ELOVL6: variants seen among roughly 807,000 people sequenced by gnomAD.
ELOVL6 encodes the protein very long chain fatty acid elongase 6.
Under a neutral mutation model 31.7 loss-of-function variants are expected in ELOVL6, and 8 were observed. The ratio of observed to expected loss-of-function variants is 0.25; its 90% CI spans 0.15 to 0.45. ELOVL6 has a LOEUF of 0.45. ELOVL6 is among the 20% of genes least tolerant of loss of function. The probability of loss-of-function intolerance (pLI) is 1.00; values close to 1 mark genes in which losing one functional copy is unlikely to be tolerated. For missense variants in ELOVL6, 126 were observed against 326.4 expected (o/e 0.39, Z 4.73); for synonymous variants, 101 against 117.7 (o/e 0.86, Z 0.92).
chr4:110,084,239 A>AACATGATATATATAACATG (rs1756087301), intron 2 of ELOVL6, among the ~76,000 whole-genome samples: 2 of 93,096 alleles, frequency 2.1e-5, no homozygotes, highest in Non-Finnish European at 4.4e-5. Flanking sequence ...TATATAACAT[A>AACATGATATATATAACATG]TATGATATAT....
intron 1 of ELOVL6, among the ~76,000 whole-genome samples, chr4:110,175,204 G>A (rs368053544): frequency 1.3e-3 from 200 of 152,112 alleles, no homozygotes; most frequent in African/African-American, 4.5e-3. Context: ...CCAACACGGC[G>A]AAACACTGTC....
Position 110,084,189 on chromosome 4 carries a change from A to G in ELOVL6, c.221+21308T>C, listed in dbSNP as rs1560814432. 4.6e-5 allele frequency among the ~76,000 whole-genome samples: 3 copies of G among 64,538 alleles called. 1 individual carries two copies. Among genetic ancestry groups the G allele is most frequent in the South Asian group, 1.0e-3 (2 of 1,928 alleles). 42.3% of individuals were successfully genotyped at this position (64,538 alleles called of 152,430 possible). A position where few individuals can be genotyped will look rare whatever the true frequency, so the allele number is the denominator to read the frequency against. ...GTGATATATATGATATATATAACAT[A>G]TAACTTATATGATATATATAACATA... On this transcript the variant is annotated intron_variant, in intron 2 of 3. Transcript: ENST00000302274.
intron 2 of ELOVL6, among the ~76,000 whole-genome samples, chr4:110,086,733 T>G (rs2126237321): frequency 6.6e-6 from 1 of 152,278 alleles, no homozygotes; most frequent in South Asian, 2.1e-4. Flanking sequence ...GAAACAAAAG[T>G]TAGACACGAC....
intron 1 of ELOVL6, among the ~76,000 whole-genome samples, chr4:110,188,565 G>T (rs74398823): frequency 0.047 from 7,101 of 152,036 alleles, 228 homozygotes; most frequent in Middle Eastern, 0.1. Flanking sequence ...GATCATAAAG[G>T]GTGGCTGCAA....
rs542733702 is a variant in ELOVL6, at chr4:110,160,914, A to G, written c.89+37333T>C. Among the ~76,000 whole-genome samples, 3 of 152,220 alleles carry G rather than the reference A, an allele frequency of 2.0e-5. No individual in the cohort carries two copies. The South Asian group carries it at 6.2e-4, about 32-fold the overall frequency. On this transcript the variant is annotated intron_variant, in intron 1 of 3. Coordinates refer to ENST00000302274, the MANE Select transcript of ELOVL6 (RefSeq NM_024090.3). ...TAATTGTTGCTTTTCTATTCAGTGGAGTCTTGCACCTTATTGGTTTCTCCA... is the reference window on the plus strand; with the variant it reads ...TAATTGTTGCTTTTCTATTCAGTGGGGTCTTGCACCTTATTGGTTTCTCCA...
intron 1 of ELOVL6, among the ~76,000 whole-genome samples, chr4:110,192,325 CAGAAGGTT>C (rs1759648333): frequency 1.3e-5 from 2 of 151,976 alleles, no homozygotes; most frequent in Non-Finnish European, 2.9e-5. Context: ...CAAATGCACG[CAGAAGGTT>C]ACGAGGAAGA....
chr4:110,096,812 T>C (rs922419461), intron 2 of ELOVL6, among the ~76,000 whole-genome samples: 1 of 152,134 alleles, frequency 6.6e-6, no homozygotes, highest in Admixed American at 6.6e-5. Flanking sequence ...CATGTATAGG[T>C]CATCAGAATA....
intron 2 of ELOVL6, among the ~76,000 whole-genome samples, chr4:110,105,248 A>G (rs1013899081): frequency 6.6e-6 from 1 of 152,178 alleles, no homozygotes; most frequent in Non-Finnish European, 1.5e-5. Context: ...TAACAGATCA[A>G]TCAGATTACT....
chr4:110,060,472 A>C (rs1045816852), intron 2 of ELOVL6, among the ~76,000 whole-genome samples: 7 of 152,216 alleles, frequency 4.6e-5, no homozygotes, highest in Non-Finnish European at 1.0e-4. Flanking sequence ...TTTAATCTCC[A>C]CATAGGCACA....
intron 1 of ELOVL6, among the ~76,000 whole-genome samples, chr4:110,167,796 A>G (rs968440257): frequency 2.0e-5 from 3 of 152,094 alleles, no homozygotes; most frequent in African/African-American, 7.2e-5. Flanking sequence ...CTGGCCTCCC[A>G]AAGTGCTGGG....
intron 2 of ELOVL6, among the ~76,000 whole-genome samples, chr4:110,083,672 A>C (rs944669196): frequency 2.6e-5 from 4 of 151,612 alleles, no homozygotes; most frequent in African/African-American, 9.8e-5. Flanking sequence ...GGACTGTAGT[A>C]ATTACTACAT....
At chr4:110,122,899 C>T (rs1337200007) in intron 1 of ELOVL6, among the ~76,000 whole-genome samples, 3 of 152,192 alleles carry the variant, frequency 2.0e-5, no homozygotes, top group African/African-American at 7.2e-5. Flanking sequence ...GAAGATACTC[C>T]CTGACTGCTT....
At chr4:110,120,622 A>C (rs1757318134) in intron 1 of ELOVL6, among the ~76,000 whole-genome samples, 1 of 152,164 alleles carries the variant, frequency 6.6e-6, no homozygotes, top group Admixed American at 6.5e-5. Flanking sequence ...TTTGATCAAA[A>C]TAGTAATTAC....
chr4:110,178,604 C>T (rs1435653339), intron 1 of ELOVL6, among the ~76,000 whole-genome samples: 3 of 151,608 alleles, frequency 2.0e-5, no homozygotes, highest in Admixed American at 6.6e-5. Context: ...CACCTATAGT[C>T]CCAGCACTTT....
chr4:110,083,288 G>A (rs1260158176), intron 2 of ELOVL6, among the ~76,000 whole-genome samples: 1 of 151,692 alleles, frequency 6.6e-6, no homozygotes, highest in Non-Finnish European at 1.5e-5. Flanking sequence ...GGGCAAGAAG[G>A]TCGTCTTCTG....
intron 2 of ELOVL6, among the ~76,000 whole-genome samples, chr4:110,079,593 G>C (rs1755768017): frequency 6.6e-6 from 1 of 152,158 alleles, no homozygotes. Flanking sequence ...TCAAAGCAGT[G>C]TGTAGAGGGA....
intron 2 of ELOVL6, among the ~76,000 whole-genome samples, chr4:110,087,613 T>C (rs1756304285): frequency 6.6e-6 from 1 of 152,184 alleles, no homozygotes; most frequent in Non-Finnish European, 1.5e-5. Context: ...CTCCTCATTC[T>C]GCAAAAATAC....
At chr4:110,144,026 C>A (rs991021362) in intron 1 of ELOVL6, among the ~76,000 whole-genome samples, 14 of 142,538 alleles carry the variant, frequency 9.8e-5, no homozygotes, top group African/African-American at 3.8e-4. Context: ...TGCACTCCAG[C>A]CTGGGCAACA....
At chr4:110,069,682 C>T (rs1286850323) in intron 2 of ELOVL6, among the ~76,000 whole-genome samples, 1 of 152,224 alleles carries the variant, frequency 6.6e-6, no homozygotes, top group African/African-American at 2.4e-5. Context: ...CTTCTGTCTA[C>T]AGCTCAGTGC....
Sources: gnomAD v4.1 joint callset for allele counts (sites outside exome capture counted in the v4.1 genomes callset) on GRCh38, gnomAD v4.1.1 for gene constraint, MANE v1.5 for transcripts, NCBI Gene and HGNC (gene_info 2026-07-23, HGNC 2026-07-21) for gene names.